Variants in APBB2 observed in about 807,000 individuals in gnomAD.
APBB2 encodes Fe65-like 1.
In APBB2, 38 loss-of-function variants were observed where a neutral mutation model predicts 82.5. The observed-to-expected ratio is 0.46, with a 90% CI of 0.36 to 0.60. The LOEUF (loss-of-function observed/expected upper bound fraction) is 0.60. Ranked by LOEUF, APBB2 falls within the 20% of genes least tolerant of loss-of-function variation. The pLI, the probability that APBB2 is intolerant of heterozygous loss-of-function variation, is 0.00. For synonymous variants in APBB2, 341 were observed against 368.2 expected (o/e 0.93, Z 0.85); for missense variants, 772 against 972.3 (o/e 0.79, Z 2.74).
At chr4:40,964,929 G>A (rs563025237) in intron 6 of APBB2, among the ~76,000 whole-genome samples, 22 of 152,166 alleles carry the variant, frequency 1.4e-4, no homozygotes, top group African/African-American at 5.3e-4. Context: ...GACCATCCTG[G>A]CTAACACAGT....
chr4:40,929,521 G>C (rs972595890), intron 10 of APBB2, among the ~76,000 whole-genome samples: 4 of 152,092 alleles, frequency 2.6e-5, no homozygotes, highest in African/African-American at 4.8e-5. Context: ...GGATGGTCTC[G>C]ATCTCCTGAC....
At chr4:40,954,878 T>C (rs1009565538) in intron 6 of APBB2, among the ~76,000 whole-genome samples, 2 of 152,178 alleles carry the variant, frequency 1.3e-5, no homozygotes, top group Admixed American at 1.3e-4. Flanking sequence ...TTGGCCAGGC[T>C]GGCCTTGGGT....
At chr4:40,819,449 G>C in intron 17 of APBB2, among the ~76,000 whole-genome samples, 1 of 152,006 alleles carries the variant, frequency 6.6e-6, no homozygotes, top group East Asian at 1.9e-4. Flanking sequence ...GCCTCCCAAA[G>C]TATTGGGATT....
intron 6 of APBB2, among the ~76,000 whole-genome samples, chr4:40,992,107 C>G (rs1802274316): frequency 6.6e-6 from 1 of 152,106 alleles, no homozygotes; most frequent in Admixed American, 6.5e-5. Context: ...ATACTCAGAA[C>G]AACTTTTTGA....
chr4:40,993,180 T>G (rs565817234), intron 6 of APBB2, among the ~76,000 whole-genome samples: 1 of 152,272 alleles, frequency 6.6e-6, no homozygotes, highest in East Asian at 1.9e-4. Flanking sequence ...AGGAAACGTA[T>G]GGTGTTAAGT....
chr4:41,119,697 ATACCCT>A (rs1752226276), intron 2 of APBB2, among the ~76,000 whole-genome samples: 1 of 152,068 alleles, frequency 6.6e-6, no homozygotes, highest in Non-Finnish European at 1.5e-5. Flanking sequence ...AGCCTTTCAC[ATACCCT>A]GTCCAGAGAC....
chr4:41,160,008 G>A (rs1580502487), intron 1 of APBB2, among the ~76,000 whole-genome samples: 1 of 149,900 alleles, frequency 6.7e-6, no homozygotes, highest in African/African-American at 2.5e-5. Flanking sequence ...AGAAGAAGAA[G>A]AAGAAGAAGA....
chr4:41,124,567 A>AT (rs1338891960), intron 2 of APBB2, among the ~76,000 whole-genome samples: 1 of 152,172 alleles, frequency 6.6e-6, no homozygotes, highest in East Asian at 1.9e-4. Context: ...TATAAAAAAA[A>AT]CAGGTGGCAA....
chr4:41,145,167 C>T (rs1760368694), intron 1 of APBB2, among the ~76,000 whole-genome samples: 1 of 152,112 alleles, frequency 6.6e-6, no homozygotes, highest in South Asian at 2.1e-4. Flanking sequence ...CCTGGTGTTA[C>T]CTACTCACAG....
chr4:40,856,775 C>T (rs1761328927), intron 12 of APBB2, among the ~76,000 whole-genome samples: 1 of 152,156 alleles, frequency 6.6e-6, no homozygotes, highest in African/African-American at 2.4e-5. Context: ...AGGACGCCTC[C>T]CCCCCATTTC....
At chr4:41,015,430 C>A (rs1303944270) in intron 5 of APBB2, among the ~76,000 whole-genome samples, 2 of 152,110 alleles carry the variant, frequency 1.3e-5, no homozygotes, top group South Asian at 2.1e-4. Context: ...GCAGATGAAC[C>A]AAAGCACAGC....
At chr4:40,867,082 G>C (rs1235726738) in intron 12 of APBB2, among the ~76,000 whole-genome samples, 1 of 152,124 alleles carries the variant, frequency 6.6e-6, no homozygotes, top group East Asian at 1.9e-4. Context: ...ATCAATTTTA[G>C]TGTATCACCA....
rs67609821 is a variant in APBB2 at position 40,902,217 on chromosome 4, TA to T, written c.1255-8807del. Among the ~76,000 whole-genome samples the T allele has an allele frequency of 9.9e-5, 15 of 152,278 alleles. No individual in the cohort carries two copies. The East Asian group carries it at 1.2e-3, about 12-fold the overall frequency. ...TGTTAAGTAAGGATTTACTGTACTT[TA>T]AAAGAGTTCCAAGGAGGTTAGACAG... On this transcript the variant is annotated intron_variant, in intron 10 of 17. Transcript: ENST00000508593.
intron 12 of APBB2, among the ~76,000 whole-genome samples, chr4:40,884,636 C>T (rs1343210671): frequency 6.6e-6 from 1 of 152,042 alleles, no homozygotes; most frequent in Non-Finnish European, 1.5e-5. Flanking sequence ...AAAAAAAACA[C>T]CTGTAGTCCC....
rs34758941 is a variant in APBB2 at position 40,875,804 on chromosome 4, G to GA, written c.1529+14559dup. Among the ~76,000 whole-genome samples the GA allele has an allele frequency of 2.2e-3, 323 of 147,172 alleles. 2 individuals are homozygous for GA. The highest frequency in any genetic ancestry group is 7.5e-3 in the African/African-American group (300 of 40,098). On this transcript the variant is annotated intron_variant, in intron 12 of 17. Transcript: ENST00000508593. ...AGTAATGTTTGCAACTTTCTGCTAA[G>GA]AAAAAAAAAAATAACCCCAAAGGTG...
At chr4:41,099,879 G>A (rs1478128276) in intron 3 of APBB2, among the ~76,000 whole-genome samples, 2 of 151,988 alleles carry the variant, frequency 1.3e-5, no homozygotes, top group African/African-American at 4.8e-5. Flanking sequence ...GTGCGTGCAC[G>A]TGCATATTTT....
At chr4:40,984,252 T>TG (rs1482364720) in intron 6 of APBB2, among the ~76,000 whole-genome samples, 3 of 152,164 alleles carry the variant, frequency 2.0e-5, no homozygotes, top group African/African-American at 7.2e-5. Context: ...CCTGGGAAGC[T>TG]GGCCAGTGTC....
intron 1 of APBB2, among the ~76,000 whole-genome samples, chr4:41,194,614 A>G: frequency 6.6e-6 from 1 of 152,304 alleles, no homozygotes; most frequent in African/African-American, 2.4e-5. Context: ...CAGTGAGGTA[A>G]GATCATGTCA....
At chr4:41,206,512 G>A (rs1777969625) in intron 1 of APBB2, among the ~76,000 whole-genome samples, 1 of 152,188 alleles carries the variant, frequency 6.6e-6, no homozygotes, top group African/African-American at 2.4e-5. Context: ...CTTCACCAGT[G>A]TCCTGGAAAA....
Sources: allele counts gnomAD v4.1 joint callset (sites outside exome capture counted in the v4.1 genomes callset), GRCh38; gene constraint gnomAD v4.1.1; transcripts MANE v1.5; gene names NCBI Gene and HGNC (gene_info 2026-07-23, HGNC 2026-07-21).